SPATS2L: variants seen among roughly 807,000 people sequenced by gnomAD.
SPATS2L encodes the protein SPATS2-like protein.
In SPATS2L, 30 loss-of-function variants were observed where a neutral mutation model predicts 59.6. The observed-to-expected ratio is 0.50, with a 90% CI of 0.38 to 0.68. The LOEUF (loss-of-function observed/expected upper bound fraction) is 0.68, where lower values mean the gene tolerates loss of function less well. Ranked by LOEUF, SPATS2L falls within the 30% of genes least tolerant of loss-of-function variation. The pLI is 0.00. For synonymous variants in SPATS2L, 252 were observed against 263.5 expected, an observed-to-expected ratio of 0.96 and a Z score of 0.42; for missense variants, 615 against 700.0, an observed-to-expected ratio of 0.88 and a Z score of 1.37.
intron 12 of SPATS2L, among the ~76,000 whole-genome samples, chr2:200,473,438 CTAA>C (rs1416435199): frequency 6.6e-6 from 1 of 152,216 alleles, no homozygotes; most frequent in Non-Finnish European, 1.5e-5. Context: ...TACTAAACTA[CTAA>C]TGAGAGGAAA....
At chr2:200,330,870 G>A (rs1329558209) in intron 2 of SPATS2L, among the ~76,000 whole-genome samples, 1 of 152,216 alleles carries the variant, frequency 6.6e-6, no homozygotes, top group Admixed American at 6.5e-5. Flanking sequence ...CTCTAATCAT[G>A]TGTTGGAACG....
chr2:200,363,300 TAGTGC>T (rs3834119), intron 2 of SPATS2L, among the ~76,000 whole-genome samples: 138,852 of 151,728 alleles, frequency 0.92, 63,766 homozygotes, highest in Middle Eastern at 0.97. Context: ...TTGCTTATTA[TAGTGC>T]AGTGCTATAC....
At chr2:200,463,009 GCA>G (rs1316553367) in intron 9 of SPATS2L, among the ~76,000 whole-genome samples, 3 of 151,838 alleles carry the variant, frequency 2.0e-5, no homozygotes, top group Non-Finnish European at 4.4e-5. Flanking sequence ...TACACGTCAG[GCA>G]CTTAGCACAG....
chr2:200,399,054 TTTTC>T (rs2082439925), intron 3 of SPATS2L, among the ~76,000 whole-genome samples: 1 of 152,150 alleles, frequency 6.6e-6, no homozygotes, highest in African/African-American at 2.4e-5. Context: ...AACTTAATGT[TTTTC>T]TTTCTTTTTA....
chr2:200,454,312 T>A (rs2085681540), intron 8 of SPATS2L, among the ~76,000 whole-genome samples: 1 of 152,234 alleles, frequency 6.6e-6, no homozygotes, highest in African/African-American at 2.4e-5. Flanking sequence ...GTCCTGTGGC[T>A]GCCTCTCTAT....
intron 5 of SPATS2L, 79 bp downstream of exon 5, chr2:200,416,507 C>A: frequency 1.3e-6 from 1 of 790,638 alleles, no homozygotes; most frequent in Non-Finnish European, 1.9e-6. Flanking sequence ...ACAAGGCTGC[C>A]AATTTTTTGC....
At chr2:200,327,172 GGAGGGCAGATCTCTT>G (rs2079778204) in intron 1 of SPATS2L, among the ~76,000 whole-genome samples, 1 of 151,972 alleles carries the variant, frequency 6.6e-6, no homozygotes, top group Non-Finnish European at 1.5e-5. Context: ...GGGAGGCCGA[GGAGGGCAGATCTCTT>G]GAGGTCAGGA....
intron 2 of SPATS2L, among the ~76,000 whole-genome samples, chr2:200,349,633 G>A (rs1447020222): frequency 2.6e-5 from 4 of 152,106 alleles, no homozygotes; most frequent in African/African-American, 7.2e-5. Context: ...GCAAGACTTC[G>A]TCTCAGAAAA....
intron 5 of SPATS2L, 89 bp from the exon 6 acceptor site, chr2:200,419,161 A>T (rs1160404924): frequency 7.4e-7 from 1 of 1,346,022 alleles, no homozygotes; most frequent in Non-Finnish European, 1.0e-6. Context: ...ACCAAAAAAG[A>T]TAGCATATCT....
intron 2 of SPATS2L, among the ~76,000 whole-genome samples, chr2:200,347,756 AGTTATTAGTC>A (rs1241024677): frequency 3.3e-5 from 5 of 152,192 alleles, no homozygotes; most frequent in African/African-American, 1.2e-4. Context: ...TTCTTCTCTG[AGTTATTAGTC>A]TCTGATAATC....
At chr2:200,455,928 A>G (rs76188040) in intron 8 of SPATS2L, among the ~76,000 whole-genome samples, 2,476 of 152,296 alleles carry the variant, frequency 0.016, 62 homozygotes, top group African/African-American at 0.056. Context: ...GTGGGCATTT[A>G]GAAGGATTTA....
At chr2:200,437,471 G>A (rs969600481) in intron 6 of SPATS2L, among the ~76,000 whole-genome samples, 2 of 152,162 alleles carry the variant, frequency 1.3e-5, no homozygotes, top group East Asian at 3.8e-4. Flanking sequence ...TGGTGTTCGG[G>A]AAGTTGCATG....
At chr2:200,419,555 A>G (rs2083221130) in intron 6 of SPATS2L, 59 bp downstream of exon 6, 1 of 1,579,910 alleles carries the variant, frequency 6.3e-7, no homozygotes, top group Non-Finnish European at 8.6e-7. Context: ...GCACAAAGGG[A>G]GCTCATTGGG....
chr2:200,354,793 T>C (rs2105853014), intron 2 of SPATS2L, among the ~76,000 whole-genome samples: 1 of 152,304 alleles, frequency 6.6e-6, no homozygotes, highest in South Asian at 2.1e-4. Context: ...TAGATGTATT[T>C]TAAAAGCGCT....
At chr2:200,374,702 G>A (rs907091009) in intron 2 of SPATS2L, among the ~76,000 whole-genome samples, 1 of 152,138 alleles carries the variant, frequency 6.6e-6, no homozygotes. Flanking sequence ...CTAATTATTT[G>A]TCTCTACGAA....
intron 2 of SPATS2L, among the ~76,000 whole-genome samples, chr2:200,350,964 A>C (rs2080707275): frequency 6.6e-6 from 1 of 152,150 alleles, no homozygotes; most frequent in African/African-American, 2.4e-5. Flanking sequence ...GAATGGGTGA[A>C]GCAAGTGAGG....
chr2:200,449,623 A>G (rs564595793), intron 8 of SPATS2L, among the ~76,000 whole-genome samples: 8 of 152,254 alleles, frequency 5.3e-5, no homozygotes, highest in African/African-American at 1.9e-4. Flanking sequence ...AAGAGGAAAT[A>G]AGCAAATTGT....
chr2:200,312,765 A>C (rs769188627), intron 1 of SPATS2L, among the ~76,000 whole-genome samples: 2 of 152,186 alleles, frequency 1.3e-5, no homozygotes, highest in African/African-American at 2.4e-5. Flanking sequence ...AAGGATGCAA[A>C]CATTAGGTGG....
intron 8 of SPATS2L, among the ~76,000 whole-genome samples, chr2:200,455,633 G>T (rs906444537): frequency 2.6e-5 from 4 of 152,210 alleles, no homozygotes; most frequent in Admixed American, 2.0e-4. Context: ...CAGTAGGAAT[G>T]TGGTTGATGA....
Sources: allele counts gnomAD v4.1 joint callset (sites outside exome capture counted in the v4.1 genomes callset), GRCh38; gene constraint gnomAD v4.1.1; transcripts MANE v1.5; gene names NCBI Gene and HGNC (gene_info 2026-07-23, HGNC 2026-07-21).